P2RY8: variants seen among roughly 807,000 people sequenced by gnomAD.
P2RY8 encodes S-geranylgeranyl-glutathione receptor P2RY8.
P2RY8 carries 6 observed loss-of-function variants against 10.0 expected under a neutral mutation model. The ratio of observed to expected loss-of-function variants is 0.60; its 90% CI spans 0.33 to 1.19. The LOEUF (loss-of-function observed/expected upper bound fraction) is 1.19. Ranked by LOEUF, P2RY8 falls within the 50% of genes most tolerant of loss-of-function variation. The pLI is 0.04. For missense variants in P2RY8, 456 were observed against 542.0 expected, an observed-to-expected ratio of 0.84 and a Z score of 1.58; for synonymous variants, 276 against 252.5, an observed-to-expected ratio of 1.09 and a Z score of -0.88.
At chrX:1,498,930 G>A (rs1382035181) in intron 1 of P2RY8, among the ~76,000 whole-genome samples, 31 of 151,194 alleles carry the variant, frequency 2.1e-4, no homozygotes, top group African/African-American at 6.8e-4. Context: ...CGCCTCCTGA[G>A]TTCAAGCGAT....
intron 1 of P2RY8, among the ~76,000 whole-genome samples, chrX:1,523,739 G>A (rs1267121510): frequency 6.6e-6 from 1 of 152,166 alleles, no homozygotes; most frequent in Non-Finnish European, 1.5e-5. Flanking sequence ...CTGGAGTGCA[G>A]TGGCACGATC....
At chrX:1,493,381 GA>G (rs1324859204) in intron 1 of P2RY8, among the ~76,000 whole-genome samples, 4 of 58,020 alleles carry the variant, frequency 6.9e-5, no homozygotes, top group Non-Finnish European at 1.2e-4. Flanking sequence ...GAGGAAGGAG[GA>G]AGGAGGGAGG....
At chrX:1,503,040 G>A (rs1275833120) in intron 1 of P2RY8, among the ~76,000 whole-genome samples, 1 of 151,838 alleles carries the variant, frequency 6.6e-6, no homozygotes, top group Non-Finnish European at 1.5e-5. Flanking sequence ...CTCAAGATGA[G>A]ATACTCCTGG....
chrX:1,493,376 AGGAGGAAGGAG>A, intron 1 of P2RY8, among the ~76,000 whole-genome samples: 1 of 29,162 alleles, frequency 3.4e-5, no homozygotes, highest in Admixed American at 4.3e-4. Flanking sequence ...GGAGGGAGGA[AGGAGGAAGGAG>A]GGAGGGAGGG....
intron 1 of P2RY8, among the ~76,000 whole-genome samples, chrX:1,480,915 A>C (rs1370700265): frequency 5.3e-5 from 8 of 152,072 alleles, no homozygotes; most frequent in East Asian, 1.9e-4. Context: ...GAAAAAAAAA[A>C]AACCATTTAA....
In P2RY8 at chrX:1,466,349, C is replaced by T; in HGVS notation, c.210G>A (p.Leu70=). The change falls in exon 2 of 2, where the codon CTG becomes CTA. Residue 70 remains leucine (L), a synonymous_variant. Coordinates refer to ENST00000381297, the MANE Select transcript of P2RY8 (RefSeq NM_178129.5). ...GGAAAGGCAACACGCTGGCCAGCAT[C>T]AGGTCCGTGACGCTCAGGTTGATCA... ...IFMINLSVTD[L]MLASVLPFQI... is the part of the protein sequence containing the mutation. 2 of 1,613,866 alleles carry T rather than the reference C, an allele frequency of 1.2e-6. No individual in the cohort carries two copies.
rs191103256 is a variant in P2RY8 at position 1,495,625 on chromosome X, G to A, written c.-24-29043C>T. ...GCCCAGTCTATGGTATTCTGGGATA[G>A]TCGTTCGAAATGGACAAAGACACCT... On this transcript the variant is annotated intron_variant, in intron 1 of 1. Transcript: ENST00000381297. Among the ~76,000 whole-genome samples, 4 of 143,866 alleles carry A rather than the reference G, an allele frequency of 2.8e-5. No individual in the cohort carries two copies. The East Asian group carries it at 5.9e-4, about 21-fold the overall frequency. The allele number at this position is 143,866 out of a possible 152,430, so 94.4% of individuals were successfully genotyped here.
At chrX:1,506,160 T>C (rs1364578454) in intron 1 of P2RY8, among the ~76,000 whole-genome samples, 1 of 151,782 alleles carries the variant, frequency 6.6e-6, no homozygotes, top group African/African-American at 2.4e-5. Context: ...ACCTGGCTAA[T>C]TTTTGTATTT....
chrX:1,524,409 GCATC>G (rs1206670236), intron 1 of P2RY8, among the ~76,000 whole-genome samples: 23 of 109,882 alleles, frequency 2.1e-4, no homozygotes, highest in African/African-American at 6.7e-4. Flanking sequence ...ATCCATGCAT[GCATC>G]CATCCATCCA....
intron 1 of P2RY8, among the ~76,000 whole-genome samples, chrX:1,481,772 AC>A (rs1343016882): frequency 6.6e-6 from 1 of 152,110 alleles, no homozygotes; most frequent in Admixed American, 6.6e-5. Context: ...CTTCAAAGTG[AC>A]CCACCAGCCC....
At chrX:1,522,928 G>T (rs1450762147) in intron 1 of P2RY8, among the ~76,000 whole-genome samples, 1 of 151,086 alleles carries the variant, frequency 6.6e-6, no homozygotes. Context: ...CATTAGCTGG[G>T]CATGGTGCCA....
At chrX:1,487,480 G>A (rs1474129428) in intron 1 of P2RY8, among the ~76,000 whole-genome samples, 57 of 152,272 alleles carry the variant, frequency 3.7e-4, no homozygotes, top group African/African-American at 1.3e-3. Flanking sequence ...GTGACAAGGG[G>A]CGTGGTGCTT....
chrX:1,527,560 CATTT>C, intron 1 of P2RY8, among the ~76,000 whole-genome samples: 1 of 152,236 alleles, frequency 6.6e-6, no homozygotes, highest in African/African-American at 2.4e-5. Context: ...TTCATTCAAT[CATTT>C]ATTCCTTATT....
rs758839450 is a variant in P2RY8 at position 1,498,363 on chromosome X, G to A, written c.-24-31781C>T. ...GGAGCTTGCAGTGAGCCGAGATCGC[G>A]CCACTGCACTCCAGCCTGGGCGACA... On this transcript the variant is annotated intron_variant, in intron 1 of 1. Coordinates refer to ENST00000381297, the MANE Select transcript of P2RY8 (RefSeq NM_178129.5). Among the ~76,000 whole-genome samples, 998 of 131,780 alleles carry A rather than the reference G, an allele frequency of 7.6e-3. 13 individuals are homozygous for A. Among genetic ancestry groups the A allele is most frequent in the African/African-American group, 0.026 (930 of 35,652 alleles). The allele number at this position is 131,780 out of a possible 152,430, so 86.5% of individuals were successfully genotyped here. A position where few individuals can be genotyped will look rare whatever the true frequency, so the allele number is the denominator to read the frequency against.
At chrX:1,468,571 C>T (rs1389064815) in intron 1 of P2RY8, among the ~76,000 whole-genome samples, 4 of 152,082 alleles carry the variant, frequency 2.6e-5, no homozygotes, top group Admixed American at 6.6e-5. Flanking sequence ...CGGGGCTCAG[C>T]GGGCAGGATG....
chrX:1,509,751 G>GTATCTATCTATCTATCTA (rs1481742595), intron 1 of P2RY8, among the ~76,000 whole-genome samples: 5 of 78,288 alleles, frequency 6.4e-5, no homozygotes, highest in African/African-American at 2.4e-4. Flanking sequence ...GTATCTATCT[G>GTATCTATCTATCTATCTA]TCTATCTATC....
intron 1 of P2RY8, among the ~76,000 whole-genome samples, chrX:1,501,844 C>T (rs1432997000): frequency 3.3e-5 from 5 of 152,098 alleles, no homozygotes; most frequent in African/African-American, 7.2e-5. Flanking sequence ...CTGCCTGTCT[C>T]GGCCTCCCAA....
At chrX:1,503,637 G>A (rs1352909730) in intron 1 of P2RY8, among the ~76,000 whole-genome samples, 1 of 152,152 alleles carries the variant, frequency 6.6e-6, no homozygotes, top group Non-Finnish European at 1.5e-5. Flanking sequence ...GCTCACACCT[G>A]TAATCCCAGC....
chrX:1,502,235 T>A (rs1421757345), intron 1 of P2RY8, among the ~76,000 whole-genome samples: 1 of 152,174 alleles, frequency 6.6e-6, no homozygotes, highest in African/African-American at 2.4e-5. Flanking sequence ...GGAAATAAAG[T>A]CCTGTCTAGG....
Sources: allele counts gnomAD v4.1 joint callset (sites outside exome capture counted in the v4.1 genomes callset), GRCh38; gene constraint gnomAD v4.1.1; transcripts MANE v1.5; gene names NCBI Gene and HGNC (gene_info 2026-07-23, HGNC 2026-07-21).